Variants in ABCC3 observed in about 807,000 individuals in gnomAD.
The protein encoded by ABCC3 is ATP-binding cassette sub-family C member 3.
In ABCC3, 121 loss-of-function variants were observed where a neutral mutation model predicts 165.3. The ratio of observed to expected loss-of-function variants is 0.73; its 90% CI spans 0.63 to 0.85. ABCC3 has a LOEUF of 0.85. Ranked by LOEUF, ABCC3 falls within the 40% of genes least tolerant of loss-of-function variation. ABCC3 has a pLI of 0.00. For missense variants in ABCC3, 1,869 were observed against 1,964.1 expected (o/e 0.95, Z 0.92); for synonymous variants, 733 against 810.1 (o/e 0.90, Z 1.62).
At chr17:50,679,706 T>C in intron 25 of ABCC3, 92 bp from the exon 26 acceptor site, 1 of 1,217,524 alleles carries the variant, frequency 8.2e-7, no homozygotes, top group South Asian at 1.3e-5. Flanking sequence ...ATCCCATGGA[T>C]GGGCACATGA....
intron 1 of ABCC3, among the ~76,000 whole-genome samples, chr17:50,645,989 GTTCTTCCCTTCAAAGAGC>G: frequency 6.6e-6 from 1 of 152,250 alleles, no homozygotes; most frequent in South Asian, 2.1e-4. Flanking sequence ...TAAAATAAAG[GTTCTTCCCTTCAAAGAGC>G]TTACATGTCA....
Position 50,667,584 on chromosome 17 carries a change from A to G in ABCC3, c.1462A>G (p.Ile488Val), listed in dbSNP as rs141547175. The G allele has an allele frequency of 1.9e-6, 3 of 1,611,678 alleles. No homozygotes were observed. The highest frequency in any genetic ancestry group is 2.5e-6 in the Non-Finnish European group (3 of 1,177,876). The change falls in exon 12 of 31, where the codon ATC becomes GTC. Residue 488 changes from isoleucine to valine, a missense_variant. By Grantham distance (29) the Ile-to-Val change is conservative. Coordinates refer to ENST00000285238, the MANE Select transcript of ABCC3 (RefSeq NM_003786.4). ...VKQMKLKDSRIKLMSEILNGI... is the reference protein window; with the variant it reads ...VKQMKLKDSRVKLMSEILNGI... ...GCAAATGAAATTGAAGGACTCGCGC[A>G]TCAAGCTGATGAGTGAGATCCTGAA...
At chr17:50,670,345 A>G (rs1202399202) in intron 17 of ABCC3, among the ~76,000 whole-genome samples, 1 of 152,098 alleles carries the variant, frequency 6.6e-6, no homozygotes, top group Non-Finnish European at 1.5e-5. Context: ...AGCCTCTCAA[A>G]GTGCTGGGAT....
In ABCC3 at chr17:50,675,714, A is replaced by G. The variant is rs1967788682; in HGVS notation, c.2798A>G (p.Gln933Arg). ...RRHLGPSEKV[Q>R]VTEAKADGAL... The stretch of plus-strand genomic sequence containing the variant: ...CACCTGGGTCCATCAGAGAAGGTGC[A>G]GGTGACAGAGGCGAAGGCAGATGGG... The change falls in exon 21 of 31, where the codon CAG (glutamine) becomes CGG (arginine). Residue 933 changes from glutamine (Q) to arginine (R), a missense_variant. Coordinates refer to ENST00000285238, the MANE Select transcript of ABCC3 (RefSeq NM_003786.4). The G allele has an allele frequency of 6.4e-7, 1 of 1,566,830 alleles. No homozygotes were observed. The highest frequency in any genetic ancestry group is 8.7e-7 in the Non-Finnish European group (1 of 1,155,582).
intron 1 of ABCC3, among the ~76,000 whole-genome samples, chr17:50,653,001 G>T (rs1200118775): frequency 6.6e-6 from 1 of 152,154 alleles, no homozygotes; most frequent in Non-Finnish European, 1.5e-5. Flanking sequence ...ATGCTCCTGA[G>T]GGTCACTGGA....
chr17:50,651,083 A>AAAAAAAAAG (rs1967107937), intron 1 of ABCC3, among the ~76,000 whole-genome samples: 1 of 151,746 alleles, frequency 6.6e-6, no homozygotes, highest in Non-Finnish European at 1.5e-5. Flanking sequence ...AAAAAAAAAA[A>AAAAAAAAAG]AAGAATTCTT....
At position 50,676,112 on chromosome 17, in the gene ABCC3, G is replaced by A; in HGVS notation, c.3067+22G>A. On this transcript the variant is annotated intron_variant, in intron 22 of 30. Transcript: ENST00000285238. ...CAAGGTGAGCTTGTGGGGGTGTCCAGAAGGGGCTCCAATATCCCTTCTTCT... is the reference window on the plus strand; with the variant it reads ...CAAGGTGAGCTTGTGGGGGTGTCCAAAAGGGGCTCCAATATCCCTTCTTCT... The A allele has an allele frequency of 1.9e-6, 3 of 1,613,750 alleles. No individual in the cohort carries two copies. In the South Asian group the frequency reaches 3.3e-5, roughly 18 times the overall value.
chr17:50,676,162 G>C, intron 22 of ABCC3, 72 bp downstream of exon 22: 1 of 1,598,200 alleles, frequency 6.3e-7, no homozygotes, highest in Non-Finnish European at 8.6e-7. Context: ...CCCCCAAACC[G>C]TGCCCTTGCA....
At chr17:50,664,174 G>T in intron 10 of ABCC3, 63 bp downstream of exon 10, 1 of 1,590,886 alleles carries the variant, frequency 6.3e-7, no homozygotes, top group Non-Finnish European at 8.6e-7. Flanking sequence ...GGCAAGAGAG[G>T]ATTATTCTGG....
chr17:50,653,306 A>G (rs12451964), intron 1 of ABCC3, among the ~76,000 whole-genome samples: 24,056 of 146,816 alleles, frequency 0.16, 2,428 homozygotes, highest in East Asian at 0.41. Context: ...AGATCACGCC[A>G]TTACACTCCA....
chr17:50,643,885 G>C (rs1231108675), intron 1 of ABCC3, among the ~76,000 whole-genome samples: 1 of 152,162 alleles, frequency 6.6e-6, no homozygotes, highest in African/African-American at 2.4e-5. Flanking sequence ...GCTAGGATGT[G>C]GCTTCATGAG....
At chr17:50,670,329 C>T (rs373119670) in intron 17 of ABCC3, among the ~76,000 whole-genome samples, 6 of 152,142 alleles carry the variant, frequency 3.9e-5, no homozygotes, top group South Asian at 2.1e-4. Context: ...GTGATCCCCC[C>T]GCCTCAGCCT....
Position 50,676,458 on chromosome 17 carries a change from T to C in ABCC3, c.3248T>C (p.Leu1083Pro). 6.2e-7 allele frequency: 1 copy of C among 1,614,230 alleles called. No individual in the cohort carries two copies. Among genetic ancestry groups the C allele is most frequent in the Non-Finnish European group, 8.5e-7 (1 of 1,180,046 alleles). ...SKDIYVVDEVLAPVILMLLNS... is the reference protein window; with the variant it reads ...SKDIYVVDEVPAPVILMLLNS... The stretch of plus-strand genomic sequence containing the variant: ...GACATCTATGTCGTTGATGAGGTTC[T>C]GGCCCCTGTCATCCTCATGCTGCTC... Residue 1083 changes from leucine (L) to proline (P), a missense_variant, in exon 23 of 31, where the codon CTG becomes CCG. By Grantham distance (98) the Leu-to-Pro change is moderately conservative. Coordinates refer to ENST00000285238, the MANE Select transcript of ABCC3 (RefSeq NM_003786.4).
intron 1 of ABCC3, among the ~76,000 whole-genome samples, chr17:50,644,785 G>A (rs1344599173): frequency 1.3e-5 from 2 of 152,074 alleles, no homozygotes; most frequent in East Asian, 1.9e-4. Context: ...TTGGGAGGCC[G>A]AGGTGGGCAG....
rs1030364231 is a variant in ABCC3, at chr17:50,658,354, G to A, written c.613-81G>A. On this transcript the variant is annotated intron_variant, in intron 5 of 30. Coordinates refer to ENST00000285238, the MANE Select transcript of ABCC3 (RefSeq NM_003786.4). The stretch of plus-strand genomic sequence containing the variant: ...AAACTGGGGCTTGGAGCAGGAACAA[G>A]GGTCCCCTCCATTTCCCTACTCTGC... 12 of 1,582,314 alleles carry A rather than the reference G, an allele frequency of 7.6e-6. No homozygotes were observed. The African/African-American group carries it at 1.5e-4, about 20-fold the overall frequency.
rs370839895 is a variant in ABCC3 at position 50,669,231 on chromosome 17, G to A, written c.2029G>A (p.Glu677Lys). The A allele has an allele frequency of 1.2e-6, 2 of 1,613,740 alleles. No individual in the cohort carries two copies. The highest frequency in any genetic ancestry group is 2.7e-5 in the African/African-American group (2 of 74,920). ...KSSLVSALLG[E>K]MEKLEGKVHM... ...CTCCCTGGTGTCTGCCCTGCTGGGA[G>A]AGATGGAGAAGCTAGAAGGCAAAGT... Residue 677 changes from glutamate (E) to lysine (K), a missense_variant, in exon 16 of 31, where the codon GAG becomes AAG. Transcript: ENST00000285238.
rs188785560 is a variant in ABCC3, at chr17:50,642,206, C to T, written c.45+7225C>T. Among the ~76,000 whole-genome samples the T allele has an allele frequency of 1.6e-4, 24 of 152,314 alleles. 1 individual carries two copies. In the East Asian group the frequency reaches 3.3e-3, roughly 21 times the overall value. ...GCCAGGCAGGCTAGAAAGGCAGGGACGGCCAAGAGCTCAGTTCTGGACGTG... is the reference window on the plus strand; with the variant it reads ...GCCAGGCAGGCTAGAAAGGCAGGGATGGCCAAGAGCTCAGTTCTGGACGTG... On this transcript the variant is annotated intron_variant, in intron 1 of 30. Coordinates refer to ENST00000285238, the MANE Select transcript of ABCC3 (RefSeq NM_003786.4).
rs1043531084 is a variant in ABCC3, at chr17:50,665,264, G to T, written c.1431+19G>T. 5 of 1,611,576 alleles carry T rather than the reference G, an allele frequency of 3.1e-6. No homozygotes were observed. In the African/African-American group the frequency reaches 4.0e-5, roughly 13 times the overall value. On this transcript the variant is annotated intron_variant, in intron 11 of 30. Coordinates refer to ENST00000285238, the MANE Select transcript of ABCC3 (RefSeq NM_003786.4). ...CTTCCAGGTAGGTGCTGTCAGAGGT[G>T]CATCCTCCTGCCTGCAGCACCCGGC...
chr17:50,673,969 T>C (rs1445271878), intron 19 of ABCC3, among the ~76,000 whole-genome samples: 258 of 16,336 alleles, frequency 0.016, no homozygotes, highest in Middle Eastern at 0.025. Flanking sequence ...TCTTTCTTTC[T>C]TTCTTTCTTT....
Sources: allele counts gnomAD v4.1 joint callset (sites outside exome capture counted in the v4.1 genomes callset), GRCh38; gene constraint gnomAD v4.1.1; transcripts MANE v1.5; gene names NCBI Gene and HGNC (gene_info 2026-07-23, HGNC 2026-07-21).